Variants in EHMT1 observed in about 807,000 individuals in gnomAD.
EHMT1 encodes histone-lysine N-methyltransferase EHMT1.
Under a neutral mutation model 147.2 loss-of-function variants are expected in EHMT1, and 15 were observed. That is an observed-to-expected ratio of 0.10 (90% CI 0.07 to 0.16). The LOEUF (loss-of-function observed/expected upper bound fraction) is 0.16. Ranked by LOEUF, EHMT1 falls within the 10% of genes least tolerant of loss-of-function variation. The pLI is 1.00. For synonymous variants in EHMT1, 795 were observed against 709.6 expected (o/e 1.12, Z -1.91); for missense variants, 1,587 against 1,772.4 (o/e 0.90, Z 1.88).
rs1052375355 is a variant in EHMT1, at chr9:137,828,861, T to A, written c.3541-5488T>A. ...TTCAGCACCTTGGAGAGCTGCCGCC[T>A]CTGTGCCTCCCCTCCTGCTTGCTGC... On this transcript the variant is annotated intron_variant, in intron 25 of 26. Coordinates refer to ENST00000460843, the MANE Select transcript of EHMT1 (RefSeq NM_024757.5). This position sits in a 1 kb window ranked among gnomAD's most constrained non-coding sequence, Gnocchi z 5.3. Among the ~76,000 whole-genome samples the A allele has an allele frequency of 6.6e-6, 1 of 152,130 alleles. No individual in the cohort carries two copies. Among genetic ancestry groups the A allele is most frequent in the Non-Finnish European group, 1.5e-5 (1 of 68,014 alleles).
At chr9:137,810,556 C>T (rs573651906) in intron 18 of EHMT1, among the ~76,000 whole-genome samples, 9 of 152,080 alleles carry the variant, frequency 5.9e-5, no homozygotes, top group African/African-American at 2.2e-4. Context: ...TTTTTATTTT[C>T]TTCTCCTTTG....
At position 137,776,998 on chromosome 9, in the gene EHMT1, T is replaced by C; in HGVS notation, c.2018+154T>C. ...ATTTCTGACATTTAAGACTCTGAAA[T>C]TCATTTATTGCCATTTGTGCATACG... On this transcript the variant is annotated intron_variant, in intron 12 of 26. Coordinates refer to ENST00000460843, the MANE Select transcript of EHMT1 (RefSeq NM_024757.5). This position sits in a 1 kb window ranked among gnomAD's most constrained non-coding sequence, Gnocchi z 4.4. 1.3e-6 allele frequency: 1 copy of C among 744,356 alleles called. No homozygotes were observed. Among genetic ancestry groups the C allele is most frequent in the Non-Finnish European group, 2.2e-6 (1 of 459,156 alleles). 46.1% of individuals were successfully genotyped at this position (744,356 alleles called of 1,614,324 possible). A position where few individuals can be genotyped will look rare whatever the true frequency, so the allele number is the denominator to read the frequency against.
At chr9:137,695,274 G>T (rs544141286) in intron 1 of EHMT1, among the ~76,000 whole-genome samples, 3 of 152,328 alleles carry the variant, frequency 2.0e-5, no homozygotes, top group East Asian at 3.9e-4. Flanking sequence ...GACTACAGCC[G>T]TTGAGCCTAG....
At chr9:137,752,092 C>T (rs1949013566) in intron 6 of EHMT1, among the ~76,000 whole-genome samples, 1 of 152,212 alleles carries the variant, frequency 6.6e-6, no homozygotes, top group South Asian at 2.1e-4. Flanking sequence ...GAGACAGGAC[C>T]GGGGAGCAGA....
chr9:137,779,258 G>C (rs1487643729), intron 13 of EHMT1, among the ~76,000 whole-genome samples: 1 of 152,266 alleles, frequency 6.6e-6, no homozygotes, highest in Non-Finnish European at 1.5e-5. Flanking sequence ...TGACCACGCT[G>C]TGTGGGCTCA....
intron 1 of EHMT1, among the ~76,000 whole-genome samples, chr9:137,690,778 A>C (rs1395060123): frequency 6.6e-6 from 1 of 152,068 alleles, no homozygotes; most frequent in Non-Finnish European, 1.5e-5. Flanking sequence ...TGTGATCATC[A>C]CTTGTGTATG....
At chr9:137,825,767 T>C (rs1218249334) in intron 25 of EHMT1, among the ~76,000 whole-genome samples, 2 of 152,202 alleles carry the variant, frequency 1.3e-5, no homozygotes, top group Non-Finnish European at 2.9e-5. Context: ...TGTGTGTGTG[T>C]GCCCGTGTCA....
chr9:137,650,661 C>T (rs991088034), intron 1 of EHMT1, among the ~76,000 whole-genome samples: 1 of 150,700 alleles, frequency 6.6e-6, no homozygotes, highest in Non-Finnish European at 1.5e-5. Context: ...ATATAGGACC[C>T]CCCGCTTTTT....
intron 25 of EHMT1, among the ~76,000 whole-genome samples, chr9:137,821,808 A>C (rs925842906): frequency 6.6e-6 from 1 of 152,132 alleles, no homozygotes; most frequent in East Asian, 1.9e-4. Context: ...AACATGGTAT[A>C]TCTCTTCATT....
At chr9:137,735,150 C>T (rs1947424127) in intron 4 of EHMT1, among the ~76,000 whole-genome samples, 1 of 152,184 alleles carries the variant, frequency 6.6e-6, no homozygotes, top group East Asian at 1.9e-4. Context: ...TTTGTAACTC[C>T]ACATTTTTCC....
chr9:137,777,812 G>C, intron 12 of EHMT1, 70 bp from the exon 13 acceptor site: 1 of 1,596,256 alleles, frequency 6.3e-7, no homozygotes. Context: ...CAGCGCTCTC[G>C]GGCAGTCAGA....
chr9:137,748,766 A>T (rs1948749661), intron 6 of EHMT1, among the ~76,000 whole-genome samples: 1 of 152,230 alleles, frequency 6.6e-6, no homozygotes. Flanking sequence ...GCCTATTCAC[A>T]TCCCAAACAT....
rs1954688440 is a variant in EHMT1, at chr9:137,813,814, AG to A, written c.3180+288del. 1.3e-5 allele frequency among the ~76,000 whole-genome samples: 2 copies of A among 152,124 alleles called. No homozygotes were observed. The highest frequency in any genetic ancestry group is 3.9e-4 in the East Asian group (2 of 5,154). On this transcript the variant is annotated intron_variant, in intron 21 of 26. Coordinates refer to ENST00000460843, the MANE Select transcript of EHMT1 (RefSeq NM_024757.5). The surrounding 1 kb of genome is among the most constrained non-coding windows in gnomAD (Gnocchi z 4.9). ...GTGCCTTTTTTGTAACCTCACACTC[AG>A]GGGCCCCGGTGTGGCTTCGTGCTGG...
At chr9:137,834,225 C>T (rs992341805) in intron 25 of EHMT1, 124 bp from the exon 26 acceptor site, 4 of 1,290,374 alleles carry the variant, frequency 3.1e-6, no homozygotes, top group African/African-American at 1.5e-5. Context: ...GGAGAAGGCC[C>T]CTCCTGCATG....
chr9:137,792,578 G>T (rs2137143540), intron 16 of EHMT1, among the ~76,000 whole-genome samples: 1 of 152,352 alleles, frequency 6.6e-6, no homozygotes, highest in East Asian at 1.9e-4. Flanking sequence ...GGTGATGGGT[G>T]CCTGTAATCC....
chr9:137,636,957 G>C (rs1844124979), intron 1 of EHMT1, among the ~76,000 whole-genome samples: 1 of 149,838 alleles, frequency 6.7e-6, no homozygotes, highest in African/African-American at 2.5e-5. Context: ...GAGTGCAGTG[G>C]CGCGATGTCA....
intron 22 of EHMT1, chr9:137,814,911 C>T (rs377291421): frequency 1.7e-5 from 6 of 348,196 alleles, no homozygotes; most frequent in Non-Finnish European, 2.8e-5. Flanking sequence ...TCAGTGTGGG[C>T]GCTGGGCTTG....
At chr9:137,629,265 T>C (rs745599710) in intron 1 of EHMT1, among the ~76,000 whole-genome samples, 13 of 151,146 alleles carry the variant, frequency 8.6e-5, no homozygotes, top group Admixed American at 2.0e-4. Context: ...GCTAATTTTG[T>C]ATTTTTAGTA....
At chr9:137,715,640 G>A (rs1945143768) in intron 2 of EHMT1, 1 of 985,438 alleles carries the variant, frequency 1.0e-6, no homozygotes, top group Non-Finnish European at 1.2e-6. Context: ...AGCTGAGTGT[G>A]TGTGTCAATC....
Sources: gnomAD v4.1 joint callset for allele counts (sites outside exome capture counted in the v4.1 genomes callset) on GRCh38, gnomAD v4.1.1 for gene constraint, Gnocchi (gnomAD v3.1) non-coding constraint, MANE v1.5 for transcripts, NCBI Gene and HGNC (gene_info 2026-07-23, HGNC 2026-07-21) for gene names.